SCOC: variants seen among roughly 807,000 people sequenced by gnomAD.
SCOC encodes short coiled-coil protein.
Under a neutral mutation model 9.9 loss-of-function variants are expected in SCOC, and 7 were observed. That is an observed-to-expected ratio of 0.71 (90% CI 0.40 to 1.33). The LOEUF (loss-of-function observed/expected upper bound fraction) is 1.33, where lower values mean the gene tolerates loss of function less well. Ranked by LOEUF, SCOC falls within the 40% of genes most tolerant of loss-of-function variation. The pLI, the probability that SCOC is intolerant of heterozygous loss-of-function variation, is 0.01. For missense variants in SCOC, 66 were observed against 89.7 expected (o/e 0.74, Z 1.07); for synonymous variants, 19 against 28.2 (o/e 0.67, Z 1.03).
At chr4:140,340,783 C>CTTTTTTTTTTTTTTTTTTT (rs36136647), upstream of SCOC, among the ~76,000 whole-genome samples, 5 of 40,476 alleles carry the variant, frequency 1.2e-4, 2 homozygotes, top group African/African-American at 1.9e-4. Flanking sequence ...TGCTGCCTAA[C>CTTTTTTTTTTTTTTTTTTT]TTTTTTTTTT....
intron 2 of SCOC, among the ~76,000 whole-genome samples, chr4:140,358,148 G>C (rs1460030854): frequency 6.6e-6 from 1 of 152,102 alleles, no homozygotes; most frequent in Non-Finnish European, 1.5e-5. Context: ...TTACAGGTTT[G>C]GAGATAAAGC....
chr4:140,349,574 A>G (rs1044160041), intron 2 of SCOC, among the ~76,000 whole-genome samples: 2 of 151,892 alleles, frequency 1.3e-5, no homozygotes, highest in East Asian at 1.9e-4. Context: ...TCTCCCCCCA[A>G]TCTATTCCCA....
chr4:140,373,706 C>T lies in SCOC; in HGVS notation c.-62C>T. 1.9e-6 allele frequency: 3 copies of T among 1,548,432 alleles called. No individual in the cohort carries two copies. Among genetic ancestry groups the T allele is most frequent in the Admixed American group, 2.0e-5 (1 of 51,008 alleles). On this transcript the variant is annotated 5_prime_UTR_variant, in exon 1 of 4. Coordinates refer to ENST00000608372, the MANE Select transcript of SCOC (RefSeq NM_001153484.2). Reference sequence around the variant, plus strand: ...GCCGGATCCCTCCTTCTCCCGGCGCCTCAAGCGGAAGGTGAGGGCCGTCCC... The same window carrying T: ...GCCGGATCCCTCCTTCTCCCGGCGCTTCAAGCGGAAGGTGAGGGCCGTCCC...
At chr4:140,333,017 A>G (rs1326488060) in intron 1 of SCOC, among the ~76,000 whole-genome samples, 4 of 152,024 alleles carry the variant, frequency 2.6e-5, no homozygotes, top group African/African-American at 7.3e-5. Context: ...GAGGCTCTAC[A>G]TGGTCAGTCC....
At chr4:140,280,404 T>C (rs1731072449) in intron 1 of SCOC, among the ~76,000 whole-genome samples, 1 of 152,164 alleles carries the variant, frequency 6.6e-6, no homozygotes, top group South Asian at 2.1e-4. Flanking sequence ...GCTGGGGTTA[T>C]TGATGGGAGC....
rs534162373 is a variant in SCOC at position 140,350,556 on chromosome 4, C to T, written c.70+6848C>T. On this transcript the variant is annotated intron_variant, in intron 2 of 4. Coordinates refer to the SCOC transcript ENST00000338517. Reference sequence around the variant, plus strand: ...GGTAAGTTTAGTTCTGTTTTCAGAACGCATTTATTGAGCACCTACTGTCAT... The same window carrying T: ...GGTAAGTTTAGTTCTGTTTTCAGAATGCATTTATTGAGCACCTACTGTCAT... Among the ~76,000 whole-genome samples the T allele has an allele frequency of 9.9e-5, 15 of 152,236 alleles. No individual in the cohort carries two copies. In the South Asian group the frequency reaches 1.7e-3, roughly 17 times the overall value.
intron 2 of SCOC, among the ~76,000 whole-genome samples, chr4:140,362,186 C>CCCATATCTTTGCTAAACACT: frequency 6.6e-6 from 1 of 151,080 alleles, no homozygotes; most frequent in Admixed American, 6.6e-5. Context: ...TGCTTCACTG[C>CCCATATCTTTGCTAAACACT]GATGAGTGTT....
intron 1 of SCOC, among the ~76,000 whole-genome samples, chr4:140,291,920 G>A (rs1731484290): frequency 6.6e-6 from 1 of 152,144 alleles, no homozygotes; most frequent in Admixed American, 6.5e-5. Flanking sequence ...GTTTATGCTT[G>A]CCATGGTTTT....
At chr4:140,264,552 C>T (rs1022063917) in intron 1 of SCOC, among the ~76,000 whole-genome samples, 4 of 152,122 alleles carry the variant, frequency 2.6e-5, no homozygotes, top group Admixed American at 1.3e-4. Context: ...AGAATGGTTT[C>T]GATGCCCTTG....
At chr4:140,312,400 T>C (rs1265202125) in intron 1 of SCOC, among the ~76,000 whole-genome samples, 1 of 152,184 alleles carries the variant, frequency 6.6e-6, no homozygotes, top group Non-Finnish European at 1.5e-5. Context: ...TTTACATATG[T>C]GATTACATAG....
chr4:140,338,979 C>A (rs1238374332), upstream of SCOC, among the ~76,000 whole-genome samples: 1 of 152,184 alleles, frequency 6.6e-6, no homozygotes, highest in African/African-American at 2.4e-5. Context: ...TGAAAAAGAG[C>A]ACACATTGCC....
intron 1 of SCOC, among the ~76,000 whole-genome samples, chr4:140,290,525 G>C (rs1731441480): frequency 6.6e-6 from 1 of 152,166 alleles, no homozygotes; most frequent in African/African-American, 2.4e-5. Context: ...AAAAGAACCT[G>C]GATTGAGTAG....
At chr4:140,335,129 T>C (rs1732923045) in intron 1 of SCOC, among the ~76,000 whole-genome samples, 1 of 152,192 alleles carries the variant, frequency 6.6e-6, no homozygotes, top group Non-Finnish European at 1.5e-5. Context: ...TTTTCATCTT[T>C]AAAATGAACA....
At chr4:140,288,707 C>T (rs993300780) in intron 1 of SCOC, among the ~76,000 whole-genome samples, 4 of 151,838 alleles carry the variant, frequency 2.6e-5, no homozygotes, top group Admixed American at 2.6e-4. Context: ...GCCCCAACAC[C>T]CTACACACAC....
At chr4:140,333,977 G>C (rs1033261167) in intron 1 of SCOC, among the ~76,000 whole-genome samples, 1 of 152,070 alleles carries the variant, frequency 6.6e-6, no homozygotes, top group African/African-American at 2.4e-5. Flanking sequence ...GAGTGCAGTG[G>C]TGTGATCATA....
At chr4:140,375,994 G>C (rs940762761) in intron 1 of SCOC, among the ~76,000 whole-genome samples, 1 of 152,128 alleles carries the variant, frequency 6.6e-6, no homozygotes, top group African/African-American at 2.4e-5. Context: ...TTATATATAG[G>C]AGCAGAAGGA....
intron 1 of SCOC, among the ~76,000 whole-genome samples, chr4:140,320,568 GGGTTC>G (rs572869782): frequency 1.5e-3 from 229 of 152,236 alleles, no homozygotes; most frequent in Middle Eastern, 3.4e-3. Flanking sequence ...CAGACACAGA[GGGTTC>G]ACACTGTCTT....
chr4:140,308,584 G>A (rs1364509218), intron 1 of SCOC, among the ~76,000 whole-genome samples: 1 of 152,194 alleles, frequency 6.6e-6, no homozygotes. Context: ...GGGAGCCCGT[G>A]TGTCGATTCT....
chr4:140,259,540 C>T (rs979722599), intron 1 of SCOC, among the ~76,000 whole-genome samples: 3 of 151,990 alleles, frequency 2.0e-5, no homozygotes, highest in Non-Finnish European at 4.4e-5. Context: ...GGCAGAAGTT[C>T]GAGACCATCT....
Sources: gnomAD v4.1 joint callset for allele counts (sites outside exome capture counted in the v4.1 genomes callset) on GRCh38, gnomAD v4.1.1 for gene constraint, MANE v1.5 for transcripts, NCBI Gene and HGNC (gene_info 2026-07-23, HGNC 2026-07-21) for gene names.